The following UNC50 variants were observed in gnomAD, a reference collection of about 807,000 sequenced individuals.
The protein encoded by UNC50 is protein unc-50 homolog.
Under a neutral mutation model 31.5 loss-of-function variants are expected in UNC50, and 24 were observed. The ratio of observed to expected loss-of-function variants is 0.76; its 90% CI spans 0.55 to 1.07. The LOEUF (loss-of-function observed/expected upper bound fraction) is 1.07. UNC50 is among the 50% of genes least tolerant of loss of function. The pLI, the probability that UNC50 is intolerant of heterozygous loss-of-function variation, is 0.00. For missense variants in UNC50, 245 were observed against 304.2 expected (o/e 0.81, Z 1.45); for synonymous variants, 118 against 114.7 (o/e 1.03, Z -0.18).
At chr2:98,617,652 C>CTT (rs1235194801) in intron 5 of UNC50, among the ~76,000 whole-genome samples, 1 of 152,188 alleles carries the variant, frequency 6.6e-6, no homozygotes, top group Non-Finnish European at 1.5e-5. Flanking sequence ...TGGAGCCAGA[C>CTT]TTTTATATTT....
chr2:98,617,798 CT>C (rs2104191638), intron 5 of UNC50, among the ~76,000 whole-genome samples: 1 of 152,278 alleles, frequency 6.6e-6, no homozygotes, highest in East Asian at 1.9e-4. Flanking sequence ...CATCTCTGTA[CT>C]TTAAGTTGGA....
rs1700753714 is a variant in UNC50 at position 98,608,627 on chromosome 2, T to C, written c.-104T>C. The C allele has an allele frequency of 1.5e-5, 9 of 585,684 alleles. No homozygotes were observed. In the South Asian group the frequency reaches 1.8e-4, roughly 12 times the overall value. The allele number at this position is 585,684 out of a possible 1,614,324, so 36.3% of individuals were successfully genotyped here. A position where few individuals can be genotyped will look rare whatever the true frequency, so the allele number is the denominator to read the frequency against. ...CGGCGCGCCCCAAGGGCCGGCTCCG[T>C]TGAGGGAAGGGAAGCCCGCCCGGTG... On this transcript the variant is annotated 5_prime_UTR_variant, in exon 1 of 6. Transcript: ENST00000357765.
At chr2:98,618,040 CT>C in intron 5 of UNC50, 127 bp from the exon 6 acceptor site, 1 of 1,008,324 alleles carries the variant, frequency 9.9e-7, no homozygotes, top group Middle Eastern at 3.1e-4. Flanking sequence ...ATAGCATCAT[CT>C]TACTGATTCA....
chr2:98,616,626 T>A, intron 5 of UNC50, 93 bp downstream of exon 5: 1 of 895,144 alleles, frequency 1.1e-6, no homozygotes. Context: ...ATGGAACACT[T>A]ACAGGCACTA....
intron 3 of UNC50, among the ~76,000 whole-genome samples, chr2:98,613,929 G>A (rs1207685829): frequency 6.6e-6 from 1 of 152,180 alleles, no homozygotes; most frequent in Non-Finnish European, 1.5e-5. Flanking sequence ...CCTGGTGCTG[G>A]GAATTGCAAG....
chr2:98,610,816 T>C lies in UNC50; in HGVS notation c.322T>C (p.Phe108Leu). ...TGGCTTTGTGCTGGACATGGGATTCTTTGAGACAATAAAGCTTCTCCTTTG... is the reference window on the plus strand; with the variant it reads ...TGGCTTTGTGCTGGACATGGGATTCCTTGAGACAATAAAGCTTCTCCTTTG... Reference protein sequence around the residue: ...GFGFVLDMGFFETIKLLLWVV... With the variant: ...GFGFVLDMGFLETIKLLLWVV... The change falls in exon 3 of 6, where the codon TTT becomes CTT. Residue 108 changes from phenylalanine (F) to leucine (L), a missense_variant. By Grantham distance (22) the Phe-to-Leu change is conservative. Transcript: ENST00000357765. 1 of 1,614,228 alleles carries C rather than the reference T, an allele frequency of 6.2e-7. No homozygotes were observed. Among genetic ancestry groups the C allele is most frequent in the Non-Finnish European group, 8.5e-7 (1 of 1,180,016 alleles).
chr2:98,613,350 A>G (rs1559148416), intron 3 of UNC50, among the ~76,000 whole-genome samples: 1 of 152,246 alleles, frequency 6.6e-6, no homozygotes, highest in South Asian at 2.1e-4. Context: ...CCACTGTCTT[A>G]GTCTGTTCTC....
chr2:98,617,983 G>GAAAC (rs1437401115), intron 5 of UNC50, among the ~76,000 whole-genome samples, 185 bp from the exon 6 acceptor site: 1 of 152,172 alleles, frequency 6.6e-6, no homozygotes, highest in African/African-American at 2.4e-5. Flanking sequence ...AGACAAGGAG[G>GAAAC]AAACAGCACA....
rs146277228 is a variant in UNC50, at chr2:98,616,417, C to T, written c.542-15C>T. ...CATTGGTAAAGGGACTCATGGTCTG[C>T]GTCTCTTCTGGCAGATGTTATCCTG... On this transcript the variant is annotated splice_polypyrimidine_tract_variant and intron_variant, in intron 4 of 5. Transcript: ENST00000357765. The T allele has an allele frequency of 2.4e-3, 3,804 of 1,613,440 alleles. 9 individuals are homozygous for T. The highest frequency in any genetic ancestry group is 3.0e-3 in the Non-Finnish European group (3,562 of 1,179,494).
intron 3 of UNC50, among the ~76,000 whole-genome samples, chr2:98,612,276 T>G (rs1355961662): frequency 6.6e-6 from 1 of 152,214 alleles, no homozygotes; most frequent in Admixed American, 6.5e-5. Context: ...TTACAAAATC[T>G]AGTTAATTAC....
At chr2:98,610,666 A>T in intron 2 of UNC50, 109 bp from the exon 3 acceptor site, 1 of 1,390,592 alleles carries the variant, frequency 7.2e-7, no homozygotes, top group Non-Finnish European at 9.8e-7. Flanking sequence ...AGTTTTGTTT[A>T]AAGACCTGTC....
chr2:98,617,330 C>G (rs914522046), intron 5 of UNC50, among the ~76,000 whole-genome samples: 7 of 152,178 alleles, frequency 4.6e-5, no homozygotes, highest in Non-Finnish European at 7.3e-5. Flanking sequence ...GTTCTCTCCC[C>G]CCTTGGCTGG....
intron 3 of UNC50, 147 bp downstream of exon 3, chr2:98,611,042 C>T (rs977543429): frequency 1.5e-5 from 15 of 984,524 alleles, no homozygotes; most frequent in South Asian, 2.3e-5. Context: ...TACAATTTTC[C>T]CTCCTGTGTT....
At chr2:98,612,520 C>T (rs1575229798) in intron 3 of UNC50, among the ~76,000 whole-genome samples, 2 of 152,106 alleles carry the variant, frequency 1.3e-5, no homozygotes, top group East Asian at 3.9e-4. Context: ...AGCGAATCTC[C>T]TGCCTCAGCC....
intron 3 of UNC50, among the ~76,000 whole-genome samples, chr2:98,612,861 G>A (rs1700858364): frequency 6.6e-6 from 1 of 152,164 alleles, no homozygotes; most frequent in South Asian, 2.1e-4. Flanking sequence ...TCTTTTAAGT[G>A]TACAATAGCA....
At chr2:98,618,126 T>TATTA in intron 5 of UNC50, 42 bp from the exon 6 acceptor site, 1 of 1,461,992 alleles carries the variant, frequency 6.8e-7, no homozygotes, top group African/African-American at 1.5e-5. Flanking sequence ...GTCATTTATT[T>TATTA]TTTTTTTTTT....
At chr2:98,617,249 AGAT>A (rs759194572) in intron 5 of UNC50, among the ~76,000 whole-genome samples, 46 of 152,182 alleles carry the variant, frequency 3.0e-4, no homozygotes, top group Non-Finnish European at 5.9e-4. Flanking sequence ...CTGTTACTGT[AGAT>A]GATTAGGGCC....
chr2:98,618,119 A>AT lies in UNC50; in HGVS notation c.644-46dup, dbSNP rs745806034. On this transcript the variant is annotated intron_variant, in intron 5 of 5. Coordinates refer to ENST00000357765, the MANE Select transcript of UNC50 (RefSeq NM_014044.7). ...CTTTCAAAATGTTCATTTATTAGTC[A>AT]TTTATTTTTTTTTTTTTTTAAATCA... 3.5e-4 allele frequency: 442 copies of AT among 1,265,790 alleles called. 3 individuals carry two copies. Among genetic ancestry groups the AT allele is most frequent in the South Asian group, 5.1e-4 (34 of 66,442 alleles). 78.4% of individuals were successfully genotyped at this position (1,265,790 alleles called of 1,614,324 possible).
chr2:98,614,864 CCT>C (rs1221120346), intron 3 of UNC50, among the ~76,000 whole-genome samples: 1 of 152,048 alleles, frequency 6.6e-6, no homozygotes, highest in Non-Finnish European at 1.5e-5. Context: ...TAGTATTGTA[CCT>C]CTGTTTATTT....
Sources: allele counts gnomAD v4.1 joint callset (sites outside exome capture counted in the v4.1 genomes callset), GRCh38; gene constraint gnomAD v4.1.1; transcripts MANE v1.5; gene names NCBI Gene and HGNC (gene_info 2026-07-23, HGNC 2026-07-21).